The following PDGFC variants were observed in gnomAD, a reference collection of about 807,000 sequenced individuals.
The protein encoded by PDGFC is platelet derived growth factor C.
PDGFC carries 12 observed loss-of-function variants against 35.5 expected under a neutral mutation model. The ratio of observed to expected loss-of-function variants is 0.34; its 90% CI spans 0.22 to 0.55. The LOEUF (loss-of-function observed/expected upper bound fraction) is 0.55, where lower values mean the gene tolerates loss of function less well. Ranked by LOEUF, PDGFC falls within the 20% of genes least tolerant of loss-of-function variation. The probability of loss-of-function intolerance (pLI) is 0.91; values close to 1 mark genes in which losing one functional copy is unlikely to be tolerated. For synonymous variants in PDGFC, 159 were observed against 148.8 expected, an observed-to-expected ratio of 1.07 and a Z score of -0.50; for missense variants, 322 against 412.4, an observed-to-expected ratio of 0.78 and a Z score of 1.90.
chr4:156,929,076 A>C (rs1731487257), intron 1 of PDGFC, among the ~76,000 whole-genome samples: 1 of 152,240 alleles, frequency 6.6e-6, no homozygotes, highest in African/African-American at 2.4e-5. Flanking sequence ...GTCAGCTGCG[A>C]GCAATAGTCA....
Position 156,879,001 on chromosome 4 carries a change from G to T in PDGFC, c.119-28585C>A, listed in dbSNP as rs565036167. Among the ~76,000 whole-genome samples, 8 of 152,250 alleles carry T rather than the reference G, an allele frequency of 5.3e-5. No homozygotes were observed. The East Asian group carries it at 9.7e-4, about 18-fold the overall frequency. On this transcript the variant is annotated intron_variant, in intron 1 of 5. Coordinates refer to ENST00000502773, the MANE Select transcript of PDGFC (RefSeq NM_016205.3). ...TGACTTTAAATCTTCTCAACCATTT[G>T]CTATGGGATCACGACTAATTTATGT...
At chr4:156,873,157 A>G (rs1579069620) in intron 1 of PDGFC, among the ~76,000 whole-genome samples, 1 of 152,206 alleles carries the variant, frequency 6.6e-6, no homozygotes, top group Admixed American at 6.5e-5. Flanking sequence ...ATGCTCATAT[A>G]TAATTCTAAA....
At chr4:156,889,151 A>T (rs1012205898) in intron 1 of PDGFC, among the ~76,000 whole-genome samples, 10 of 152,188 alleles carry the variant, frequency 6.6e-5, no homozygotes, top group African/African-American at 2.4e-4. Context: ...TTGCCCAGAC[A>T]GAGGCCTACC....
At chr4:156,784,242 T>A (rs887221070) in intron 3 of PDGFC, among the ~76,000 whole-genome samples, 1 of 152,214 alleles carries the variant, frequency 6.6e-6, no homozygotes, top group African/African-American at 2.4e-5. Context: ...GATTTCCCCA[T>A]ACTTAGACCA....
At chr4:156,869,450 T>A (rs1729926851) in intron 1 of PDGFC, among the ~76,000 whole-genome samples, 1 of 151,898 alleles carries the variant, frequency 6.6e-6, no homozygotes, top group Non-Finnish European at 1.5e-5. Context: ...AAAAAAATGA[T>A]CCTAGCATAT....
At chr4:156,895,485 A>AGTATTGTTGTGGTGGGT (rs1730611053) in intron 1 of PDGFC, among the ~76,000 whole-genome samples, 1 of 151,978 alleles carries the variant, frequency 6.6e-6, no homozygotes, top group African/African-American at 2.4e-5. Context: ...TACAAAAATT[A>AGTATTGTTGTGGTGGGT]GCCGGGTGTT....
chr4:156,941,692 C>T (rs534633511), intron 1 of PDGFC, among the ~76,000 whole-genome samples: 10 of 152,160 alleles, frequency 6.6e-5, no homozygotes, highest in East Asian at 1.9e-4. Flanking sequence ...GGCCGGTTAA[C>T]GATTTCTTTT....
chr4:156,810,810 A>C (rs993633489), intron 3 of PDGFC, 27 bp downstream of exon 3: 1 of 1,420,550 alleles, frequency 7.0e-7, no homozygotes, highest in Non-Finnish European at 9.7e-7. Flanking sequence ...ATCCAATTAA[A>C]TAAGGGGATC....
chr4:156,873,178 G>C (rs2111149224), intron 1 of PDGFC, among the ~76,000 whole-genome samples: 1 of 152,246 alleles, frequency 6.6e-6, no homozygotes, highest in South Asian at 2.1e-4. Flanking sequence ...TGTATAATGA[G>C]ATTACAAAAG....
At chr4:156,874,225 T>A (rs1164599120) in intron 1 of PDGFC, among the ~76,000 whole-genome samples, 1 of 152,206 alleles carries the variant, frequency 6.6e-6, no homozygotes, top group Non-Finnish European at 1.5e-5. Context: ...TATAGCTGTG[T>A]ATTATACAGT....
At chr4:156,885,594 A>G (rs1052515634) in intron 1 of PDGFC, among the ~76,000 whole-genome samples, 3 of 152,078 alleles carry the variant, frequency 2.0e-5, no homozygotes, top group Non-Finnish European at 4.4e-5. Flanking sequence ...ATTTTGTGTA[A>G]TAAGATTTAG....
At chr4:156,769,053 A>C (rs775073997) in intron 4 of PDGFC, among the ~76,000 whole-genome samples, 2 of 151,924 alleles carry the variant, frequency 1.3e-5, no homozygotes, top group Non-Finnish European at 1.5e-5. Flanking sequence ...AATTCCAATG[A>C]GATTGAATAC....
chr4:156,850,444 T>C lies in PDGFC; in HGVS notation c.119-28A>G, dbSNP rs377431453. On this transcript the variant is annotated intron_variant, in intron 1 of 5. Coordinates refer to ENST00000502773, the MANE Select transcript of PDGFC (RefSeq NM_016205.3). ...AAAGCAAAAAACATAGACATAGACA[T>C]ACATTTAGATTTCAAAAATTATAGG... The C allele has an allele frequency of 1.0e-4, 135 of 1,343,806 alleles. 1 individual carries two copies. In the Middle Eastern group the frequency reaches 2.4e-3, roughly 24 times the overall value. 83.2% of individuals were successfully genotyped at this position (1,343,806 alleles called of 1,614,324 possible).
intron 2 of PDGFC, among the ~76,000 whole-genome samples, chr4:156,827,417 A>AAC (rs1728800674): frequency 9.6e-6 from 1 of 104,312 alleles, no homozygotes; most frequent in Admixed American, 8.8e-5. Context: ...ACTCCATCTC[A>AAC]AAAAAAAAAA....
chr4:156,951,164 A>T (rs930775094), intron 1 of PDGFC, among the ~76,000 whole-genome samples: 3 of 151,888 alleles, frequency 2.0e-5, no homozygotes, highest in African/African-American at 7.2e-5. Context: ...AGGAGAAAAT[A>T]AATAAACCTC....
chr4:156,926,657 A>G (rs996271191), intron 1 of PDGFC, among the ~76,000 whole-genome samples: 1 of 152,348 alleles, frequency 6.6e-6, no homozygotes, highest in African/African-American at 2.4e-5. Context: ...CATCCAGGTC[A>G]CACTGATTCA....
chr4:156,838,129 G>A (rs908037760), intron 2 of PDGFC, among the ~76,000 whole-genome samples: 2 of 152,204 alleles, frequency 1.3e-5, no homozygotes, highest in African/African-American at 2.4e-5. Context: ...GTGTCCAGAA[G>A]TGCGCGTAGT....
intron 3 of PDGFC, among the ~76,000 whole-genome samples, chr4:156,791,088 C>T (rs1731288758): frequency 6.6e-6 from 1 of 152,160 alleles, no homozygotes; most frequent in African/African-American, 2.4e-5. Context: ...TACCACAATA[C>T]AATGCAAAGC....
intron 1 of PDGFC, among the ~76,000 whole-genome samples, chr4:156,963,430 C>G (rs930518706): frequency 2.6e-5 from 4 of 152,014 alleles, no homozygotes; most frequent in Admixed American, 6.5e-5. Flanking sequence ...GTGATCATAC[C>G]ACTGCACTCC....
Sources: allele counts gnomAD v4.1 joint callset (sites outside exome capture counted in the v4.1 genomes callset), GRCh38; gene constraint gnomAD v4.1.1; transcripts MANE v1.5; gene names NCBI Gene and HGNC (gene_info 2026-07-23, HGNC 2026-07-21).